Variants in DNAH8 observed in about 807,000 individuals in gnomAD.
The protein encoded by DNAH8 is dynein axonemal heavy chain 8, also known as axonemal beta dynein heavy chain 8.
In DNAH8, 382 loss-of-function variants were observed where a neutral mutation model predicts 562.1. The ratio of observed to expected loss-of-function variants is 0.68; its 90% CI spans 0.63 to 0.74. The LOEUF (loss-of-function observed/expected upper bound fraction) is 0.74, where lower values mean the gene tolerates loss of function less well. Among genes scored for constraint, DNAH8 ranks in the 30% least tolerant of loss-of-function variants. The probability of loss-of-function intolerance (pLI) is 0.00; values close to 1 mark genes in which losing one functional copy is unlikely to be tolerated. For missense variants in DNAH8, 5,203 were observed against 5,620.4 expected (o/e 0.93, Z 2.37); for synonymous variants, 1,881 against 1,919.4 (o/e 0.98, Z 0.52).
At position 38,729,953 on chromosome 6, in the gene DNAH8, T is replaced by C. The variant is rs1173992224; in HGVS notation, c.577T>C (p.Phe193Leu). 1 of 1,598,868 alleles carries C rather than the reference T, an allele frequency of 6.3e-7. No homozygotes were observed. The highest frequency in any genetic ancestry group is 8.6e-7 in the Non-Finnish European group (1 of 1,169,402). The change falls in exon 4 of 93, where the codon TTT becomes CTT. Residue 193 changes from phenylalanine to leucine, a missense_variant. Transcript: ENST00000327475. ...GAAAGATGGTTGTAAGACACTGAAA[T>C]TTTTGTACCAAGAAGGAGATGTACC... Reference protein sequence around the residue: ...FAKDGCKTLKFLYQEGDVPGI... With the variant: ...FAKDGCKTLKLLYQEGDVPGI...
chr6:38,928,173 C>G (rs1419348227), intron 74 of DNAH8: 4 of 152,154 alleles, frequency 2.6e-5, no homozygotes, highest in South Asian at 2.1e-4. Flanking sequence ...AGTCTTTGCG[C>G]AGGTGAACCA....
intron 11 of DNAH8, among the ~76,000 whole-genome samples, chr6:38,768,933 C>G (rs1296723612): frequency 6.6e-6 from 1 of 152,118 alleles, no homozygotes; most frequent in Non-Finnish European, 1.5e-5. Context: ...ATTACTCCCC[C>G]CAAATTTGCC....
At chr6:38,756,506 T>G (rs1269711172) in intron 10 of DNAH8, among the ~76,000 whole-genome samples, 1 of 151,920 alleles carries the variant, frequency 6.6e-6, no homozygotes, top group Non-Finnish European at 1.5e-5. Flanking sequence ...ATATTTAAAT[T>G]TGCTAGCCAA....
At chr6:38,840,517 C>G (rs976001057) in intron 33 of DNAH8, among the ~76,000 whole-genome samples, 2 of 152,088 alleles carry the variant, frequency 1.3e-5, no homozygotes, top group Non-Finnish European at 2.9e-5. Context: ...TGATAAGGCC[C>G]TTATTTCTAT....
At chr6:38,871,978 C>T (rs768429174) in intron 49 of DNAH8, among the ~76,000 whole-genome samples, 3 of 152,210 alleles carry the variant, frequency 2.0e-5, no homozygotes, top group African/African-American at 4.8e-5. Context: ...GGGCTTTGTC[C>T]TCAATCACAC....
At chr6:38,901,384 T>C (rs1179340789) in intron 62 of DNAH8, among the ~76,000 whole-genome samples, 2 of 152,264 alleles carry the variant, frequency 1.3e-5, no homozygotes, top group East Asian at 3.9e-4. Flanking sequence ...ATAGGAGTTG[T>C]GATTATTATT....
At chr6:38,846,491 G>A (rs903289067) in intron 36 of DNAH8, among the ~76,000 whole-genome samples, 1 of 152,124 alleles carries the variant, frequency 6.6e-6, no homozygotes, top group African/African-American at 2.4e-5. Context: ...CCTTTTCCAC[G>A]TTGGGATCAC....
chr6:38,897,706 A>T (rs1779796481), intron 60 of DNAH8, among the ~76,000 whole-genome samples: 1 of 152,160 alleles, frequency 6.6e-6, no homozygotes, highest in South Asian at 2.1e-4. Context: ...CATAGAGCCA[A>T]GGAAGTCGAG....
chr6:38,914,508 C>A (rs1781153457), intron 67 of DNAH8, among the ~76,000 whole-genome samples: 1 of 141,008 alleles, frequency 7.1e-6, no homozygotes, highest in Admixed American at 8.0e-5. Flanking sequence ...TCAAGCGATT[C>A]TCCTGCCTAA....
intron 76 of DNAH8, among the ~76,000 whole-genome samples, chr6:38,935,165 T>C (rs1782851312): frequency 6.6e-6 from 1 of 152,214 alleles, no homozygotes; most frequent in Non-Finnish European, 1.5e-5. Context: ...ACATTTAATC[T>C]GGGTAGCCCC....
chr6:38,844,543 GACCA>G (rs1468115246), intron 35 of DNAH8, among the ~76,000 whole-genome samples: 3 of 152,214 alleles, frequency 2.0e-5, no homozygotes, highest in Middle Eastern at 3.4e-3. Flanking sequence ...ACACTTTGGT[GACCA>G]TCTCCTTCTT....
chr6:38,988,224 T>C (rs1764537427), intron 87 of DNAH8, among the ~76,000 whole-genome samples: 3 of 152,234 alleles, frequency 2.0e-5, no homozygotes, highest in Admixed American at 6.5e-5. Flanking sequence ...TGGATGTTCA[T>C]GGGGTATGAC....
At chr6:38,749,933 T>C (rs1456901903) in intron 8 of DNAH8, among the ~76,000 whole-genome samples, 2 of 152,128 alleles carry the variant, frequency 1.3e-5, no homozygotes, top group Non-Finnish European at 2.9e-5. Context: ...CCCGGGTTCA[T>C]GCCATTCTCC....
Position 38,862,333 on chromosome 6 carries a change from C to T in DNAH8, c.6185C>T (p.Ala2062Val), listed in dbSNP as rs200319317. Reference protein sequence around the residue: ...ALGMNMGGAPAGPAGTGKTET... With the variant: ...ALGMNMGGAPVGPAGTGKTET... Reference sequence around the variant, plus strand: ...GGCATGAACATGGGAGGTGCTCCCGCAGGACCTGCTGGCACTGGCAAAACA... The same window carrying T: ...GGCATGAACATGGGAGGTGCTCCCGTAGGACCTGCTGGCACTGGCAAAACA... Residue 2062 changes from alanine to valine, a missense_variant, in exon 44 of 93, where the codon GCA becomes GTA. Physicochemically the swap from Ala to Val is moderately conservative, Grantham distance 64. Around this residue, in one of 6 missense-constraint regions of DNAH8, gnomAD observed 2,176 missense variants for 2,365.1 expected, o/e 0.92. Coordinates refer to ENST00000327475, the MANE Select transcript of DNAH8 (RefSeq NM_001206927.2). 2 of 1,614,134 alleles carry T rather than the reference C, an allele frequency of 1.2e-6. No individual in the cohort carries two copies. The highest frequency in any genetic ancestry group is 1.3e-5 in the African/African-American group (1 of 75,054).
intron 33 of DNAH8, among the ~76,000 whole-genome samples, chr6:38,838,478 A>G (rs1774491664): frequency 6.6e-6 from 1 of 151,196 alleles, no homozygotes; most frequent in Non-Finnish European, 1.5e-5. Context: ...GGCTCACTGC[A>G]AGCTCTGCCT....
chr6:39,000,477 G>A (rs1256628776), intron 88 of DNAH8, among the ~76,000 whole-genome samples: 1 of 152,174 alleles, frequency 6.6e-6, no homozygotes, highest in Non-Finnish European at 1.5e-5. Context: ...ACTACCGCCT[G>A]AGCTCTGCTT....
At position 38,819,247 on chromosome 6, in the gene DNAH8, A is replaced by C. The variant is rs1678706; in HGVS notation, c.3523+3590A>C. Reference sequence around the variant, plus strand: ...TTTTAAAAGGTGTTTAGGGATAAACATGTTGGTTTATTGTAAAGTTTATCT... The same window carrying C: ...TTTTAAAAGGTGTTTAGGGATAAACCTGTTGGTTTATTGTAAAGTTTATCT... On this transcript the variant is annotated intron_variant, in intron 26 of 92. Transcript: ENST00000327475. Among the ~76,000 whole-genome samples the C allele has an allele frequency of 3.8e-4, 58 of 151,924 alleles. 1 individual carries two copies. The highest frequency in any genetic ancestry group is 2.9e-4 in the Non-Finnish European group (20 of 67,980).
intron 61 of DNAH8, 108 bp from the exon 62 acceptor site, chr6:38,899,668 T>G (rs947418124): frequency 3.8e-5 from 47 of 1,233,762 alleles, no homozygotes; most frequent in Non-Finnish European, 5.3e-5. Context: ...GAGGAAAAAG[T>G]CTAATATCAT....
rs531668353 is a variant in DNAH8 at position 38,800,972 on chromosome 6, T to G, written c.2902-2207T>G. On this transcript the variant is annotated intron_variant, in intron 21 of 92. Transcript: ENST00000327475. ...TCCTTATCAGATATATGATTTACAG[T>G]TTTTTTTCTCCCAGTCTTTGGGTTT... 1.1e-3 allele frequency among the ~76,000 whole-genome samples: 173 copies of G among 152,142 alleles called. 2 individuals are homozygous for G. The highest frequency in any genetic ancestry group is 3.1e-3 in the African/African-American group (130 of 41,554).
Sources: allele counts gnomAD v4.1 joint callset (sites outside exome capture counted in the v4.1 genomes callset), GRCh38; gene constraint gnomAD v4.1.1; regional missense constraint gnomAD v4.1.1; transcripts MANE v1.5; gene names NCBI Gene and HGNC (gene_info 2026-07-23, HGNC 2026-07-21).